SHROOM4: variants seen among roughly 807,000 people sequenced by gnomAD.
SHROOM4 encodes the protein shroom family member 4.
A neutral mutation model predicts 80.3 loss-of-function variants in SHROOM4; 17 were observed. That is an observed-to-expected ratio of 0.21 (90% CI 0.14 to 0.32). The LOEUF (loss-of-function observed/expected upper bound fraction) is 0.32, where lower values mean the gene tolerates loss of function less well. SHROOM4 is among the 10% of genes least tolerant of loss of function. The pLI is 1.00. For synonymous variants in SHROOM4, 400 were observed against 437.5 expected, an observed-to-expected ratio of 0.91 and a Z score of 1.07; for missense variants, 993 against 1,140.3, an observed-to-expected ratio of 0.87 and a Z score of 1.86.
At chrX:50,603,464 C>T (rs1036267178) in intron 6 of SHROOM4, among the ~76,000 whole-genome samples, 9 of 111,356 alleles carry the variant, frequency 8.1e-5, no homozygotes, top group Non-Finnish European at 5.7e-5. Context: ...GACTTGTCAC[C>T]GCCCACCACA....
intron 1 of SHROOM4, among the ~76,000 whole-genome samples, chrX:50,752,901 T>G (rs1342963403): frequency 1.8e-5 from 2 of 111,948 alleles, no homozygotes; most frequent in African/African-American, 3.2e-5. Flanking sequence ...TTTACATAGC[T>G]GACCCATGAC....
rs782769357 is a variant in SHROOM4 at position 50,634,384 on chromosome X, G to A, written c.1689C>T (p.Cys563=). 1.7e-6 allele frequency: 2 copies of A among 1,211,108 alleles called. No homozygotes were observed. Among genetic ancestry groups the A allele is most frequent in the Non-Finnish European group, 2.2e-6 (2 of 895,245 alleles). ...CACTTCGCCTACCACCCATCCGGCT[G>A]CACTCCTTGGGCTCGCTGTCCCCTT... is the stretch of plus-strand genomic sequence containing the variant. The part of the protein sequence containing the change: ...GEEGDSEPKE[C]SRMGGRRSGG... The change falls in exon 4 of 9, where the codon TGC becomes TGT. Residue 563 remains cysteine, a synonymous_variant. Transcript: ENST00000376020.
intron 1 of SHROOM4, among the ~76,000 whole-genome samples, chrX:50,804,811 G>A (rs782126657): frequency 1.1e-4 from 12 of 111,828 alleles, no homozygotes; most frequent in African/African-American, 3.6e-4. Flanking sequence ...CCACCTTTGG[G>A]TTCAAGAGGT....
Position 50,703,179 on chromosome X carries a change from A to G in SHROOM4, c.118-7242T>C, listed in dbSNP as rs782623705. ...AAAATAAAGAACAACACTTTATTTTACCAGTTGACAGGTAAAGGTGAAAAG... is the reference window on the plus strand; with the variant it reads ...AAAATAAAGAACAACACTTTATTTTGCCAGTTGACAGGTAAAGGTGAAAAG... On this transcript the variant is annotated intron_variant, in intron 1 of 8. Transcript: ENST00000376020. Among the ~76,000 whole-genome samples, 7 of 112,015 alleles carry G rather than the reference A, an allele frequency of 6.2e-5. No individual in the cohort carries two copies. The South Asian group carries it at 2.3e-3, about 36-fold the overall frequency.
rs1212025746 is a variant in SHROOM4 at position 50,772,660 on chromosome X, G to C, written c.117+41242C>G. ...AGGTTTCAAGGAAGCAGCACTATTA[G>C]AGCCTGATGCCAAAACCCAGGTGAC... On this transcript the variant is annotated intron_variant, in intron 1 of 8. Transcript: ENST00000376020. 4.5e-5 allele frequency among the ~76,000 whole-genome samples: 5 copies of C among 112,012 alleles called. No homozygotes were observed. The Admixed American group carries it at 4.7e-4, about 11-fold the overall frequency.
At chrX:50,617,264 G>C (rs1930279667) in intron 5 of SHROOM4, among the ~76,000 whole-genome samples, 1 of 112,203 alleles carries the variant, frequency 8.9e-6, no homozygotes, top group Non-Finnish European at 1.9e-5. Flanking sequence ...TATGTAAAAA[G>C]GACCTAGAAA....
chrX:50,615,098 TTGTGTGTGTG>T (rs58621277), intron 5 of SHROOM4, among the ~76,000 whole-genome samples: 3 of 98,490 alleles, frequency 3.0e-5, no homozygotes, highest in African/African-American at 1.1e-4. Flanking sequence ...GATTCTCTTA[TTGTGTGTGTG>T]TGTGTGTGTG....
At chrX:50,623,332 C>A (rs1187804309) in intron 5 of SHROOM4, among the ~76,000 whole-genome samples, 1 of 110,712 alleles carries the variant, frequency 9.0e-6, no homozygotes, top group Admixed American at 9.7e-5. Context: ...GGATTACAGG[C>A]GCCTGCCACC....
intron 6 of SHROOM4, among the ~76,000 whole-genome samples, chrX:50,606,822 A>G (rs1006736062): frequency 9.0e-5 from 10 of 110,664 alleles, no homozygotes; most frequent in Non-Finnish European, 5.7e-5. Context: ...ATCTATTGTA[A>G]GGAATTATCA....
intron 5 of SHROOM4, among the ~76,000 whole-genome samples, chrX:50,621,948 C>T (rs1371303355): frequency 8.9e-6 from 1 of 111,956 alleles, no homozygotes; most frequent in African/African-American, 3.2e-5. Flanking sequence ...TGGTCACTTA[C>T]TTGCTGTATA....
At chrX:50,655,779 C>A (rs1275122265) in intron 2 of SHROOM4, among the ~76,000 whole-genome samples, 2 of 109,542 alleles carry the variant, frequency 1.8e-5, no homozygotes, top group African/African-American at 6.6e-5. Flanking sequence ...TAGATATATA[C>A]CCAGAAGTAG....
intron 1 of SHROOM4, among the ~76,000 whole-genome samples, chrX:50,732,259 A>G (rs1409237926): frequency 9.0e-6 from 1 of 111,479 alleles, no homozygotes; most frequent in Non-Finnish European, 1.9e-5. Flanking sequence ...CAAAGATTTA[A>G]GACTGCGTGT....
rs998662510 is a variant in SHROOM4, at chrX:50,589,488, T to C, written c.*7207A>G. ...ACCACTAATCTGCTTTCTACCTTTA[T>C]AGATTTGCCTGTTTGGGACATTTCA... On this transcript the variant is annotated 3_prime_UTR_variant, in exon 9 of 9. Transcript: ENST00000376020. Among the ~76,000 whole-genome samples, 1 of 111,635 alleles carries C rather than the reference T, an allele frequency of 9.0e-6. No homozygotes were observed. Among genetic ancestry groups the C allele is most frequent in the African/African-American group, 3.3e-5 (1 of 30,725 alleles).
chrX:50,791,213 G>T (rs1935844994), intron 1 of SHROOM4, among the ~76,000 whole-genome samples: 1 of 111,064 alleles, frequency 9.0e-6, no homozygotes, highest in Admixed American at 9.6e-5. Flanking sequence ...ATTTACTATA[G>T]CACCTAAAAT....
intron 6 of SHROOM4, among the ~76,000 whole-genome samples, chrX:50,606,957 T>TC: frequency 9.2e-6 from 1 of 108,195 alleles, no homozygotes; most frequent in African/African-American, 3.4e-5. Flanking sequence ...CCTCTTATTC[T>TC]GGAGGGCAAG....
chrX:50,694,282 T>TA (rs1404955873), intron 2 of SHROOM4, among the ~76,000 whole-genome samples: 2 of 110,659 alleles, frequency 1.8e-5, no homozygotes, highest in African/African-American at 6.6e-5. Context: ...TAAACCTCCA[T>TA]ACTGTTTTCT....
chrX:50,689,229 T>C (rs1416082596), intron 2 of SHROOM4, among the ~76,000 whole-genome samples: 1 of 111,097 alleles, frequency 9.0e-6, no homozygotes, highest in Admixed American at 9.6e-5. Flanking sequence ...AATTAAAAAA[T>C]GGAAGTGAAA....
At chrX:50,652,340 TA>T (rs1313572773) in intron 2 of SHROOM4, among the ~76,000 whole-genome samples, 2 of 112,489 alleles carry the variant, frequency 1.8e-5, no homozygotes, top group African/African-American at 6.5e-5. Context: ...CCAATGACGA[TA>T]AGCTTTTTTT....
chrX:50,710,655 A>C (rs1309783452), intron 1 of SHROOM4, among the ~76,000 whole-genome samples: 1 of 111,459 alleles, frequency 9.0e-6, no homozygotes. Context: ...TACCTCCTGA[A>C]TCTAAAAAGT....
Sources: allele counts gnomAD v4.1 joint callset (sites outside exome capture counted in the v4.1 genomes callset), GRCh38; gene constraint gnomAD v4.1.1; transcripts MANE v1.5; gene names NCBI Gene and HGNC (gene_info 2026-07-23, HGNC 2026-07-21).